The following UTRN variants were observed in gnomAD, a reference collection of about 807,000 sequenced individuals.
UTRN encodes the protein utrophin, also known as dystrophin-related protein 1.
UTRN carries 283 observed loss-of-function variants against 463.9 expected under a neutral mutation model. The ratio of observed to expected loss-of-function variants is 0.61; its 90% confidence interval spans 0.55 to 0.67. The LOEUF (loss-of-function observed/expected upper bound fraction) is 0.67. UTRN is among the 30% of genes least tolerant of loss of function. UTRN has a pLI of 0.00. For missense variants in UTRN, 3,922 were observed against 4,084.3 expected, an observed-to-expected ratio of 0.96 and a Z score of 1.08; for synonymous variants, 1,442 against 1,431.5, an observed-to-expected ratio of 1.01 and a Z score of -0.17.
At chr6:144,742,341 G>A (rs1383360397) in intron 54 of UTRN, among the ~76,000 whole-genome samples, 1 of 152,148 alleles carries the variant, frequency 6.6e-6, no homozygotes, top group African/African-American at 2.4e-5. Context: ...GTACAGAGTA[G>A]GAAATGGTCA....
intron 54 of UTRN, among the ~76,000 whole-genome samples, chr6:144,744,470 T>C (rs1790475954): frequency 6.7e-6 from 1 of 148,548 alleles, no homozygotes; most frequent in Admixed American, 6.8e-5. Flanking sequence ...ATTTTACTTA[T>C]GTATATTATA....
At chr6:144,508,032 C>T (rs1261764552) in intron 34 of UTRN, among the ~76,000 whole-genome samples, 1 of 152,146 alleles carries the variant, frequency 6.6e-6, no homozygotes, top group African/African-American at 2.4e-5. Context: ...GCTTTGTTTA[C>T]ACTGTGAGGG....
chr6:144,447,328 G>A lies in UTRN; in HGVS notation c.1722+10G>A. On this transcript the variant is annotated intron_variant, in intron 15 of 74. Transcript: ENST00000367545. ...TGTTCGACGTCTGGCTGTAAGTGATGGGGTTGTCAGCATCTGTGTTGTAAG... is the reference window on the plus strand; with the variant it reads ...TGTTCGACGTCTGGCTGTAAGTGATAGGGTTGTCAGCATCTGTGTTGTAAG... 1 of 1,609,986 alleles carries A rather than the reference G, an allele frequency of 6.2e-7. No homozygotes were observed. Among genetic ancestry groups the A allele is most frequent in the Non-Finnish European group, 8.5e-7 (1 of 1,177,486 alleles).
intron 13 of UTRN, among the ~76,000 whole-genome samples, chr6:144,442,251 C>T (rs1787255473): frequency 6.6e-6 from 1 of 152,122 alleles, no homozygotes; most frequent in South Asian, 2.1e-4. Flanking sequence ...AAACTGAATG[C>T]CTTTAACAGC....
chr6:144,577,378 A>G (rs1801539252), intron 51 of UTRN, 90 bp downstream of exon 51: 1 of 1,323,500 alleles, frequency 7.6e-7, no homozygotes, highest in Non-Finnish European at 1.0e-6. Context: ...TTAAAAGGTG[A>G]AGTTGTCACT....
chr6:144,345,572 G>T (rs1480520663), intron 2 of UTRN, among the ~76,000 whole-genome samples: 1 of 152,162 alleles, frequency 6.6e-6, no homozygotes, highest in Non-Finnish European at 1.5e-5. Context: ...CTACTTAGGA[G>T]ACTGAGGTGG....
At chr6:144,493,057 C>T (rs539487573) in intron 32 of UTRN, among the ~76,000 whole-genome samples, 15 of 152,266 alleles carry the variant, frequency 9.9e-5, no homozygotes, top group African/African-American at 3.4e-4. Flanking sequence ...AAGCATTTGT[C>T]TGAGATTTTG....
At chr6:144,656,538 A>G (rs974857555) in intron 51 of UTRN, among the ~76,000 whole-genome samples, 11 of 152,178 alleles carry the variant, frequency 7.2e-5, no homozygotes, top group African/African-American at 2.4e-4. Context: ...CAGCCTCCCA[A>G]GTAGCTGGGA....
chr6:144,673,212 A>C lies in UTRN; in HGVS notation c.7480-5194A>C, dbSNP rs567241500. Among the ~76,000 whole-genome samples, 4 of 152,176 alleles carry C rather than the reference A, an allele frequency of 2.6e-5. No individual in the cohort carries two copies. In the East Asian group the frequency reaches 7.7e-4, roughly 29 times the overall value. ...CCCATTTGTTCTAGGGTATAGTTTAAGTTCATTGTTTCTTTGTTGACTTTC... is the reference window on the plus strand; with the variant it reads ...CCCATTTGTTCTAGGGTATAGTTTACGTTCATTGTTTCTTTGTTGACTTTC... On this transcript the variant is annotated intron_variant, in intron 51 of 74. Transcript: ENST00000367545.
intron 65 of UTRN, among the ~76,000 whole-genome samples, chr6:144,813,717 G>A (rs1778831817): frequency 6.6e-6 from 1 of 152,220 alleles, no homozygotes; most frequent in African/African-American, 2.4e-5. Flanking sequence ...GGAAAGACAA[G>A]GAAGTGAGGG....
At chr6:144,582,676 A>ATGGC (rs1802079222) in intron 51 of UTRN, among the ~76,000 whole-genome samples, 1 of 152,216 alleles carries the variant, frequency 6.6e-6, no homozygotes, top group Non-Finnish European at 1.5e-5. Flanking sequence ...TAGCTGTTTA[A>ATGGC]TTAGACAAAT....
intron 51 of UTRN, 120 bp downstream of exon 51, chr6:144,577,408 G>A (rs770608477): frequency 2.0e-5 from 20 of 979,698 alleles, no homozygotes; most frequent in East Asian, 5.2e-5. Flanking sequence ...TATGAAATCC[G>A]TGCTCTCCTG....
chr6:144,594,526 C>G (rs1400337944), intron 51 of UTRN, among the ~76,000 whole-genome samples: 1 of 152,040 alleles, frequency 6.6e-6, no homozygotes, highest in Admixed American at 6.6e-5. Context: ...ATAAATAAAC[C>G]AAATTTCAAT....
At chr6:144,506,459 G>A (rs1225024377) in intron 34 of UTRN, among the ~76,000 whole-genome samples, 1 of 152,144 alleles carries the variant, frequency 6.6e-6, no homozygotes, top group African/African-American at 2.4e-5. Flanking sequence ...AGGCCTCATG[G>A]TGACAGAATA....
At chr6:144,353,716 G>A (rs1778312147) in intron 2 of UTRN, among the ~76,000 whole-genome samples, 1 of 152,156 alleles carries the variant, frequency 6.6e-6, no homozygotes, top group Non-Finnish European at 1.5e-5. Flanking sequence ...GTGTGGTGGT[G>A]AGTGCCTGTA....
intron 66 of UTRN, 44 bp downstream of exon 66, chr6:144,821,062 C>A: frequency 6.3e-7 from 1 of 1,581,328 alleles, no homozygotes; most frequent in Middle Eastern, 1.7e-4. Context: ...ACATTTATAT[C>A]TGATGTTGTC....
intron 71 of UTRN, 25 bp downstream of exon 71, chr6:144,836,566 A>G: frequency 5.0e-6 from 8 of 1,610,658 alleles, no homozygotes; most frequent in Non-Finnish European, 6.8e-6. Flanking sequence ...ATTCAGCGTC[A>G]CACCTCCCCA....
intron 61 of UTRN, among the ~76,000 whole-genome samples, chr6:144,788,507 C>T (rs1254034784): frequency 1.3e-5 from 2 of 151,234 alleles, no homozygotes; most frequent in Admixed American, 6.6e-5. Context: ...GTGTGCGTAG[C>T]TCTAGCTGTT....
chr6:144,846,037 A>C (rs760765659), intron 73 of UTRN, among the ~76,000 whole-genome samples: 3 of 152,024 alleles, frequency 2.0e-5, no homozygotes, highest in Non-Finnish European at 4.4e-5. Flanking sequence ...TGGGGGACAG[A>C]TCTCCTCTTT....
Sources: gnomAD v4.1 joint callset for allele counts (sites outside exome capture counted in the v4.1 genomes callset) on GRCh38, gnomAD v4.1.1 for gene constraint, MANE v1.5 for transcripts, NCBI Gene and HGNC (gene_info 2026-07-23, HGNC 2026-07-21) for gene names.